Variants in FAM13B observed in about 807,000 individuals in gnomAD.
FAM13B encodes family with sequence similarity 13 member B.
A neutral mutation model predicts 117.3 loss-of-function variants in FAM13B; 60 were observed. That is an observed-to-expected ratio of 0.51 (90% CI 0.42 to 0.63). The LOEUF is 0.63. Ranked by LOEUF, FAM13B falls within the 30% of genes least tolerant of loss-of-function variation. The pLI, the probability that FAM13B is intolerant of heterozygous loss-of-function variation, is 0.00. For synonymous variants in FAM13B, 332 were observed against 356.1 expected (o/e 0.93, Z 0.76); for missense variants, 972 against 1,091.9 (o/e 0.89, Z 1.55).
At chr5:137,945,013 G>A (rs1763061712) in intron 20 of FAM13B, among the ~76,000 whole-genome samples, 1 of 151,978 alleles carries the variant, frequency 6.6e-6, no homozygotes, top group Non-Finnish European at 1.5e-5. Flanking sequence ...CAGTACCTAG[G>A]TGACAGGATT....
chr5:138,046,629 A>G (rs2151131162), intron 1 of FAM13B, among the ~76,000 whole-genome samples: 1 of 152,358 alleles, frequency 6.6e-6, no homozygotes, highest in Middle Eastern at 3.4e-3. Flanking sequence ...CTGAAACTCA[A>G]TTTGGAGCTA....
intron 22 of FAM13B, 64 bp downstream of exon 22, chr5:137,942,811 C>T (rs1762252898): frequency 7.0e-7 from 1 of 1,434,184 alleles, no homozygotes; most frequent in Non-Finnish European, 9.4e-7. Context: ...CATTTAACAT[C>T]AAATTTCTTG....
rs746862214 is a variant in FAM13B, at chr5:137,954,297, C to T, written c.1587G>A (p.Met529Ile). Residue 529 changes from methionine (M) to isoleucine (I), a missense_variant, in exon 15 of 24, where the codon ATG becomes ATA. Met to Ile is a conservative substitution (Grantham distance 10). Coordinates refer to ENST00000689681, the MANE Select transcript of FAM13B (RefSeq NM_001385994.1). ...AGTCCTCTTCCAAGGGGTGATGATT[C>T]ATTCTTCCAGCTTGTGGAGACAGCT... ...EAQLSPQAGR[M>I]NHHPLEEDCP... 26 of 1,613,888 alleles carry T rather than the reference C, an allele frequency of 1.6e-5. No individual in the cohort carries two copies. The South Asian group carries it at 2.7e-4, about 17-fold the overall frequency.
intron 5 of FAM13B, among the ~76,000 whole-genome samples, chr5:138,011,437 G>A (rs1185980581): frequency 6.7e-6 from 1 of 148,890 alleles, no homozygotes; most frequent in Non-Finnish European, 1.5e-5. Context: ...TTTTTTTTAT[G>A]AGATGGAGTC....
upstream of FAM13B, chr5:138,036,223 A>G (rs1791145844): frequency 2.8e-6 from 1 of 356,766 alleles, no homozygotes; most frequent in Non-Finnish European, 5.6e-6. Context: ...TGTCCAAACT[A>G]AATTACAACG....
At chr5:138,044,525 C>G (rs548667026) in intron 1 of FAM13B, among the ~76,000 whole-genome samples, 1 of 147,878 alleles carries the variant, frequency 6.8e-6, no homozygotes, top group Non-Finnish European at 1.5e-5. Context: ...GCACTCCAGC[C>G]TGGGCGACAG....
chr5:137,999,238 T>G (rs1780599442), intron 7 of FAM13B, among the ~76,000 whole-genome samples: 1 of 151,970 alleles, frequency 6.6e-6, no homozygotes, highest in South Asian at 2.1e-4. Flanking sequence ...CTCAGCCTCT[T>G]GAGTCACTGG....
At position 138,007,151 on chromosome 5, in the gene FAM13B, T is replaced by C. The variant is rs774087364; in HGVS notation, c.691-4A>G. The C allele has an allele frequency of 3.2e-6, 5 of 1,575,972 alleles. No individual in the cohort carries two copies. Among genetic ancestry groups the C allele is most frequent in the Non-Finnish European group, 4.3e-6 (5 of 1,164,592 alleles). ...CTTCCTCAGAAAGTTCATTAACCTA[T>C]ATAAATAAAAAGAAATTCAGAATTA... is the stretch of plus-strand genomic sequence containing the variant. On this transcript the variant is annotated splice_polypyrimidine_tract_variant and splice_region_variant and intron_variant, in intron 6 of 23. Transcript: ENST00000689681.
At chr5:138,048,635 A>G (rs1439119975) in intron 1 of FAM13B, among the ~76,000 whole-genome samples, 2 of 152,176 alleles carry the variant, frequency 1.3e-5, no homozygotes, top group Non-Finnish European at 2.9e-5. Context: ...ACCTTTTTGC[A>G]GTGGCCAAAT....
At chr5:137,950,554 G>A (rs1764672160) in intron 17 of FAM13B, among the ~76,000 whole-genome samples, 1 of 152,118 alleles carries the variant, frequency 6.6e-6, no homozygotes, top group African/African-American at 2.4e-5. Flanking sequence ...TTCTTTTTGA[G>A]ACAGGGTCTT....
intron 10 of FAM13B, among the ~76,000 whole-genome samples, chr5:137,969,890 C>T (rs967371395): frequency 8.6e-5 from 13 of 151,904 alleles, no homozygotes; most frequent in Admixed American, 3.3e-4. Context: ...TGAAATGAAG[C>T]GAGAAGGGAA....
chr5:137,945,970 TAA>T lies in FAM13B; in HGVS notation c.2270_2271del (p.Val757GlufsTer5). On this transcript the variant is annotated frameshift_variant, in exon 20 of 24. Transcript: ENST00000689681. LOFTEE classifies it high-confidence loss of function. The part of the protein sequence containing the change: ...RPVTKEERHI[V>X]KPLYDRYRLV... ...AGCCTGTATCTATCATAGAGAGGTT[TAA>T]CAATGTGCCTTTCTTCCTTGGTCAC... is the stretch of plus-strand genomic sequence containing the variant. 1 of 1,613,414 alleles carries T rather than the reference TAA, an allele frequency of 6.2e-7. No homozygotes were observed. The highest frequency in any genetic ancestry group is 8.5e-7 in the Non-Finnish European group (1 of 1,179,656).
intron 7 of FAM13B, among the ~76,000 whole-genome samples, chr5:138,003,810 A>G (rs71589394): frequency 0.011 from 1,647 of 152,354 alleles, 13 homozygotes; most frequent in Middle Eastern, 0.031. Context: ...CAATAGCCAC[A>G]TGCTGAAGAG....
intron 11 of FAM13B, 101 bp from the exon 12 acceptor site, chr5:137,960,315 T>C (rs1767801044): frequency 1.6e-6 from 1 of 636,074 alleles, no homozygotes; most frequent in South Asian, 2.3e-5. Flanking sequence ...ACAGTTAGCA[T>C]TTACAATGTG....
chr5:137,987,727 G>T, intron 8 of FAM13B, 111 bp from the exon 9 acceptor site: 1 of 959,562 alleles, frequency 1.0e-6, no homozygotes, highest in Non-Finnish European at 1.5e-6. Context: ...TACTTAAATG[G>T]GTAAACCAAA....
intron 10 of FAM13B, among the ~76,000 whole-genome samples, chr5:137,970,320 A>G (rs1771686336): frequency 6.6e-6 from 1 of 152,118 alleles, no homozygotes; most frequent in Admixed American, 6.5e-5. Flanking sequence ...ATTCTTAAAC[A>G]AAAGAATTTT....
At chr5:137,960,343 C>T in intron 11 of FAM13B, 129 bp from the exon 12 acceptor site, 1 of 509,804 alleles carries the variant, frequency 2.0e-6, no homozygotes, top group South Asian at 2.9e-5. Context: ...AAAATGCCAA[C>T]TGGACACATG....
At chr5:137,954,927 T>C (rs1023436942) in intron 14 of FAM13B, among the ~76,000 whole-genome samples, 2 of 152,048 alleles carry the variant, frequency 1.3e-5, no homozygotes, top group African/African-American at 4.8e-5. Flanking sequence ...CAGCCCAGAG[T>C]TCTATTTCCA....
intron 7 of FAM13B, among the ~76,000 whole-genome samples, chr5:137,990,753 G>A (rs1270973642): frequency 6.6e-6 from 1 of 151,980 alleles, no homozygotes; most frequent in Non-Finnish European, 1.5e-5. Flanking sequence ...CCAGGAGTTT[G>A]AGGCCACCCT....
Sources: gnomAD v4.1 joint callset for allele counts (sites outside exome capture counted in the v4.1 genomes callset) on GRCh38, gnomAD v4.1.1 for gene constraint, MANE v1.5 for transcripts, NCBI Gene and HGNC (gene_info 2026-07-23, HGNC 2026-07-21) for gene names.